The following KCNQ1OT1 variants were observed in gnomAD, a reference collection of about 807,000 sequenced individuals.
KCNQ1OT1 encodes the protein KCNQ1 opposite strand/antisense transcript 1.
Position 2,676,434 on chromosome 11 carries a change from T to C in KCNQ1OT1, n.23561A>G, listed in dbSNP as rs984321039. On this transcript the variant is annotated non_coding_transcript_exon_variant, in exon 1 of 1. Transcript: ENST00000597346. This position sits in a 1 kb window ranked among gnomAD's most constrained non-coding sequence, Gnocchi z 4.2. The stretch of plus-strand genomic sequence containing the variant: ...CCCAATGGGCTGGGCTTTTCCCAGA[T>C]AGGACATGCTCACTGTTCTGCTCAG... 2.5e-6 allele frequency: 1 copy of C among 398,662 alleles called. No homozygotes were observed. Among genetic ancestry groups the C allele is most frequent in the South Asian group, 1.3e-4 (1 of 7,856 alleles). 24.7% of individuals were successfully genotyped at this position (398,662 alleles called of 1,614,324 possible).
In KCNQ1OT1 at chr11:2,612,969, T is replaced by C. The variant is rs551608130; in HGVS notation, n.87026A>G. On this transcript the variant is annotated non_coding_transcript_exon_variant, in exon 1 of 1. Transcript: ENST00000597346. This position sits in a 1 kb window ranked among gnomAD's most constrained non-coding sequence, Gnocchi z 5.5. Reference sequence around the variant, plus strand: ...GCAGAGTCTGTGTTCTCCTGCAGTGTGCAGCCACTGGTGTCTTTGCTCAGT... The same window carrying C: ...GCAGAGTCTGTGTTCTCCTGCAGTGCGCAGCCACTGGTGTCTTTGCTCAGT... 2.5e-6 allele frequency: 1 copy of C among 398,664 alleles called. No individual in the cohort carries two copies. The highest frequency in any genetic ancestry group is 4.4e-5 in the Admixed American group (1 of 22,744). The allele number at this position is 398,664 out of a possible 1,614,324, so 24.7% of individuals were successfully genotyped here. A position where few individuals can be genotyped will look rare whatever the true frequency, so the allele number is the denominator to read the frequency against.
rs1020703691 is a variant in KCNQ1OT1 at position 2,664,637 on chromosome 11, G to A, written n.35358C>T. The A allele has an allele frequency of 5.8e-5, 23 of 398,554 alleles. No homozygotes were observed. Among genetic ancestry groups the A allele is most frequent in the Non-Finnish European group, 8.0e-5 (18 of 226,172 alleles). 24.7% of individuals were successfully genotyped at this position (398,554 alleles called of 1,614,324 possible). On this transcript the variant is annotated non_coding_transcript_exon_variant, in exon 1 of 1. Transcript: ENST00000597346. This position sits in a 1 kb window ranked among gnomAD's most constrained non-coding sequence, Gnocchi z 5.1. ...CCCAGTGATGCCCATAATTAAATTC[G>A]GCTCCAGCTGCTCAGGGATGCAGCG...
exon 1 of KCNQ1OT1, chr11:2,675,377 C>T (rs1850275888): frequency 5.0e-6 from 2 of 398,390 alleles, no homozygotes; most frequent in African/African-American, 4.1e-5. Flanking sequence ...CATTAGAAAA[C>T]ATTTAAACAC....
chr11:2,618,445 T>C (rs1849105852), exon 1 of KCNQ1OT1: 1 of 398,614 alleles, frequency 2.5e-6, no homozygotes, highest in Non-Finnish European at 4.4e-6. Context: ...CCTAACGTCA[T>C]TTATGAGAGA....
chr11:2,686,548 A>T, exon 1 of KCNQ1OT1: 1 of 398,682 alleles, frequency 2.5e-6, no homozygotes, highest in Non-Finnish European at 4.4e-6. Flanking sequence ...GCCCTGGGCA[A>T]TGTGCTCCTG....
chr11:2,640,141 C>G (rs572343708), exon 1 of KCNQ1OT1: 1 of 349,860 alleles, frequency 2.9e-6, no homozygotes, highest in East Asian at 4.2e-5. Context: ...AATTCCCTGA[C>G]CCCTTGTGCT....
At chr11:2,655,276 T>C (rs946168351) in exon 1 of KCNQ1OT1, 1 of 398,442 alleles carries the variant, frequency 2.5e-6, no homozygotes, top group Non-Finnish European at 4.4e-6. Flanking sequence ...AAAACAAAAT[T>C]GTTTTGTTCT....
exon 1 of KCNQ1OT1, chr11:2,662,138 T>G: frequency 2.5e-6 from 4 of 1,609,884 alleles, no homozygotes; most frequent in Non-Finnish European, 3.4e-6. Context: ...GCTCAAGGAG[T>G]CAGACTTGGT....
chr11:2,634,014 G>T, exon 1 of KCNQ1OT1: 1 of 398,634 alleles, frequency 2.5e-6, no homozygotes, highest in Non-Finnish European at 4.4e-6. Flanking sequence ...ATGTCAGGCA[G>T]TGTAGTGCCT....
At chr11:2,641,982 G>A in exon 1 of KCNQ1OT1, 1 of 398,274 alleles carries the variant, frequency 2.5e-6, no homozygotes, top group East Asian at 3.6e-5. Flanking sequence ...CTGTTCCATT[G>A]GTCTATCAGT....
In KCNQ1OT1 at chr11:2,671,221, A is replaced by G; in HGVS notation, n.28774T>C. Reference sequence around the variant, plus strand: ...ATAAAAGGTAGAGAGACAGAGGTAGACAGGAGTCCAGGTCTGACCTCAAAA... The same window carrying G: ...ATAAAAGGTAGAGAGACAGAGGTAGGCAGGAGTCCAGGTCTGACCTCAAAA... On this transcript the variant is annotated non_coding_transcript_exon_variant, in exon 1 of 1. Coordinates refer to ENST00000597346, the Ensembl canonical transcript of KCNQ1OT1. The surrounding 1 kb of genome is among the most constrained non-coding windows in gnomAD (Gnocchi z 4.7). The G allele has an allele frequency of 2.5e-6, 1 of 398,616 alleles. No homozygotes were observed. The highest frequency in any genetic ancestry group is 3.6e-5 in the East Asian group (1 of 28,074). 24.7% of individuals were successfully genotyped at this position (398,616 alleles called of 1,614,324 possible).
At chr11:2,665,161 A>G (rs1850042737) in exon 1 of KCNQ1OT1, 4 of 398,540 alleles carry the variant, frequency 1.0e-5, no homozygotes, top group Non-Finnish European at 1.8e-5. Flanking sequence ...ACCCTCAACC[A>G]GCTCTGGGCG....
rs74667646 is a variant in KCNQ1OT1, at chr11:2,664,574, G to T, written n.35421C>A. 5,131 of 398,632 alleles carry T rather than the reference G, an allele frequency of 0.013. 163 individuals carry two copies. Among genetic ancestry groups the T allele is most frequent in the East Asian group, 0.081 (2,259 of 28,056 alleles). The allele number at this position is 398,632 out of a possible 1,614,324, so 24.7% of individuals were successfully genotyped here. On this transcript the variant is annotated non_coding_transcript_exon_variant, in exon 1 of 1. Coordinates refer to ENST00000597346, the Ensembl canonical transcript of KCNQ1OT1. The surrounding 1 kb of genome is among the most constrained non-coding windows in gnomAD (Gnocchi z 5.1). ...TGGGGGCCGTGCAGGTCTTCTGCCC[G>T]CATTGGGGCTGCATTCCTCCACCTC...
At chr11:2,649,054 T>A in exon 1 of KCNQ1OT1, 2 of 397,208 alleles carry the variant, frequency 5.0e-6, no homozygotes, top group East Asian at 7.1e-5. Flanking sequence ...GGTGTCTGTT[T>A]GTGTGGAATA....
chr11:2,628,497 G>GT (rs1376595889), exon 1 of KCNQ1OT1: 2 of 398,232 alleles, frequency 5.0e-6, no homozygotes, highest in African/African-American at 2.1e-5. Flanking sequence ...GGGTTATTAA[G>GT]TTTTTTTGCT....
chr11:2,628,763 C>A, exon 1 of KCNQ1OT1: 2 of 398,348 alleles, frequency 5.0e-6, no homozygotes, highest in South Asian at 2.6e-4. Context: ...GGTTTCAGGT[C>A]ATATGTTTAA....
At chr11:2,632,174 C>T in exon 1 of KCNQ1OT1, 1 of 357,522 alleles carries the variant, frequency 2.8e-6, no homozygotes, top group Non-Finnish European at 4.7e-6. Context: ...CAGACCAAGA[C>T]TCTGCCTCAA....
chr11:2,653,589 GCT>G lies in KCNQ1OT1; in HGVS notation n.46404_46405del. ...CCCTCTTTTGTTCTCCCTTTCCCTT[GCT>G]CTCTATCCATTGGCCCCATGGGATG... On this transcript the variant is annotated non_coding_transcript_exon_variant, in exon 1 of 1. Coordinates refer to ENST00000597346, the Ensembl canonical transcript of KCNQ1OT1. This position sits in a 1 kb window ranked among gnomAD's most constrained non-coding sequence, Gnocchi z 5.3. The G allele has an allele frequency of 2.5e-6, 1 of 398,516 alleles. No individual in the cohort carries two copies. Among genetic ancestry groups the G allele is most frequent in the Non-Finnish European group, 4.4e-6 (1 of 226,100 alleles). The allele number at this position is 398,516 out of a possible 1,614,324, so 24.7% of individuals were successfully genotyped here. A position where few individuals can be genotyped will look rare whatever the true frequency, so the allele number is the denominator to read the frequency against.
At chr11:2,614,971 A>G (rs1371970284) in exon 1 of KCNQ1OT1, 5 of 398,366 alleles carry the variant, frequency 1.3e-5, no homozygotes, top group East Asian at 3.6e-5. Context: ...TTGAATCTGT[A>G]GATCACTGGG....
Sources: allele counts gnomAD v4.1 joint callset, GRCh38; gene constraint gnomAD v4.1.1; non-coding constraint Gnocchi (gnomAD v3.1); transcripts MANE v1.5; gene names NCBI Gene and HGNC (gene_info 2026-07-23, HGNC 2026-07-21).